Variants in ZNF749 observed in about 807,000 individuals in gnomAD.
The protein encoded by ZNF749 is zinc finger protein 749.
ZNF749 carries 8 observed loss-of-function variants against 7.3 expected under a neutral mutation model. The ratio of observed to expected loss-of-function variants is 1.10; its 90% CI spans 0.64 to 1.98. The LOEUF (loss-of-function observed/expected upper bound fraction) is 1.98, where lower values mean the gene tolerates loss of function less well. Among genes scored for constraint, ZNF749 ranks in the 30% most tolerant of loss-of-function variants. The pLI is 0.00. For missense variants in ZNF749, 898 were observed against 932.4 expected (o/e 0.96, Z 0.48); for synonymous variants, 310 against 322.4 (o/e 0.96, Z 0.41).
In ZNF749 at chr19:57,441,930, G is replaced by C. The variant is rs777235798; in HGVS notation, c.61G>C (p.Glu21Gln). ...EDVAIYFSQE[E>Q]WGILNDAQRH... is the part of the protein sequence containing the mutation. ...TGTGGCCATATATTTCTCCCAAGAG[G>C]AATGGGGGATCCTTAATGATGCTCA... The change falls in exon 2 of 3, where the codon GAA (glutamate) becomes CAA (glutamine). Residue 21 changes from glutamate (E) to glutamine (Q), a missense_variant. Physicochemically the swap from Glu to Gln is conservative, Grantham distance 29. Transcript: ENST00000334181. 90 of 1,614,042 alleles carry C rather than the reference G, an allele frequency of 5.6e-5. No homozygotes were observed. Among genetic ancestry groups the C allele is most frequent in the Non-Finnish European group, 7.4e-5 (87 of 1,180,024 alleles).
At chr19:57,437,647 C>G (rs1337697763) in intron 1 of ZNF749, among the ~76,000 whole-genome samples, 1 of 151,268 alleles carries the variant, frequency 6.6e-6, no homozygotes, top group Non-Finnish European at 1.5e-5. Flanking sequence ...TCGTTTGAAC[C>G]CGGGAGGTGG....
chr19:57,437,880 G>A (rs530934077), intron 1 of ZNF749: 2 of 392,998 alleles, frequency 5.1e-6, no homozygotes, highest in Non-Finnish European at 9.0e-6. Flanking sequence ...TGTGAAGTGG[G>A]AACCCTTTTA....
chr19:57,435,942 G>T (rs1385447073), intron 1 of ZNF749, among the ~76,000 whole-genome samples: 1 of 152,220 alleles, frequency 6.6e-6, no homozygotes, highest in Non-Finnish European at 1.5e-5. Context: ...CCCAGAGTTA[G>T]AAGTTTAAAG....
rs568928257 is a variant in ZNF749 at position 57,435,889 on chromosome 19, A to C, written c.15+296A>C. 2.6e-5 allele frequency among the ~76,000 whole-genome samples: 4 copies of C among 152,292 alleles called. No homozygotes were observed. In the South Asian group the frequency reaches 8.3e-4, roughly 32 times the overall value. On this transcript the variant is annotated intron_variant, in intron 1 of 2. Transcript: ENST00000334181. ...CTGGAAGGGCAGTGGAGCCGCAGAG[A>C]GCCATAGAGGGCTGTGCAGGGAGGA...
chr19:57,435,367 A>C lies in ZNF749; in HGVS notation c.-212A>C, dbSNP rs1326759188. 7.4e-6 allele frequency: 5 copies of C among 678,810 alleles called. No individual in the cohort carries two copies. In the South Asian group the frequency reaches 9.2e-5, roughly 12 times the overall value. 42.0% of individuals were successfully genotyped at this position (678,810 alleles called of 1,614,324 possible). ...CATGGTTGCGTTAGCATGGCTACCT[A>C]GGGATCTGTTCACTGATTTAGAGGG... On this transcript the variant is annotated 5_prime_UTR_variant, in exon 1 of 3. The change abolishes the stop of an existing upstream ORF in the 5' untranslated region. Transcript: ENST00000334181.
rs771272981 is a variant in ZNF749, at chr19:57,444,305, T to G, written c.1157T>G (p.Ile386Arg). 7 of 1,613,892 alleles carry G rather than the reference T, an allele frequency of 4.3e-6. No individual in the cohort carries two copies. The African/African-American group carries it at 8.0e-5, about 18-fold the overall frequency. ...GGAGAAAGGCCTTTTGAATGCAGCA[T>G]ATGTGGAAAATTCTTTAGTCACCGC... ...HTGERPFECS[I>R]CGKFFSHRST... is the part of the protein sequence containing the mutation. Residue 386 changes from isoleucine to arginine, a missense_variant, in exon 3 of 3, where the codon ATA (isoleucine) becomes AGA (arginine). By Grantham distance (97) the Ile-to-Arg change is moderately conservative. Coordinates refer to ENST00000334181, the MANE Select transcript of ZNF749 (RefSeq NM_001023561.4).
Position 57,445,612 on chromosome 19 carries a change from G to T in ZNF749, c.*127G>T. 1.4e-6 allele frequency: 2 copies of T among 1,444,360 alleles called. No homozygotes were observed. The highest frequency in any genetic ancestry group is 1.4e-5 in the African/African-American group (1 of 70,052). 89.5% of individuals were successfully genotyped at this position (1,444,360 alleles called of 1,614,324 possible). A position where few individuals can be genotyped will look rare whatever the true frequency, so the allele number is the denominator to read the frequency against. On this transcript the variant is annotated 3_prime_UTR_variant, in exon 3 of 3. Coordinates refer to ENST00000334181, the MANE Select transcript of ZNF749 (RefSeq NM_001023561.4). ...AAGAGTTCAGATGGAAATCTGCGAG[G>T]ATTTCCTGCTGGGAACTACATTAAA...
At position 57,439,601 on chromosome 19, in the gene ZNF749, A is replaced by C. The variant is rs1378097497; in HGVS notation, c.16-2284A>C. On this transcript the variant is annotated intron_variant, in intron 1 of 2. Coordinates refer to ENST00000334181, the MANE Select transcript of ZNF749 (RefSeq NM_001023561.4). The surrounding 1 kb of genome is among the most constrained non-coding windows in gnomAD (Gnocchi z 4.3). The stretch of plus-strand genomic sequence containing the variant: ...TAGGGAGACTCTGTCCCTACAAATA[A>C]TAATAAATAGCTGGGTGTGGTGGCG... Among the ~76,000 whole-genome samples the C allele has an allele frequency of 1.3e-5, 2 of 151,802 alleles. No individual in the cohort carries two copies. Among genetic ancestry groups the C allele is most frequent in the African/African-American group, 2.4e-5 (1 of 41,312 alleles).
At chr19:57,435,787 G>A in intron 1 of ZNF749, 194 bp downstream of exon 1, 1 of 1,171,290 alleles carries the variant, frequency 8.5e-7, no homozygotes, top group Non-Finnish European at 1.2e-6. Flanking sequence ...GGGGCTTGGA[G>A]GCACTGCAGA....
In ZNF749 at chr19:57,444,955, C is replaced by T. The variant is rs1240270875; in HGVS notation, c.1807C>T (p.Gln603Ter). 1.2e-6 allele frequency: 2 copies of T among 1,613,894 alleles called. No homozygotes were observed. The highest frequency in any genetic ancestry group is 1.1e-5 in the South Asian group (1 of 90,988). The change falls in exon 3 of 3, where the codon CAG (glutamine) becomes TAG (stop). Residue 603 changes from glutamine to a stop codon, truncating the protein, a stop_gained. Coordinates refer to ENST00000334181, the MANE Select transcript of ZNF749 (RefSeq NM_001023561.4). LOFTEE classifies it low-confidence loss of function (END_TRUNC). ...GGACAGCTACAAACTTGTTATTCAT[C>T]AGAGAATTCACACTGGAGAAAAGCC... ...FLDSYKLVIHQRIHTGEKPYK... is the reference protein window; with the variant it reads ...FLDSYKLVIH
upstream of ZNF749, among the ~76,000 whole-genome samples, chr19:57,431,994 T>C (rs2088900989): frequency 6.6e-6 from 1 of 151,986 alleles, no homozygotes; most frequent in Non-Finnish European, 1.5e-5. Context: ...TTGTATTTTT[T>C]AGTAAAGATG....
At chr19:57,435,639 T>G in intron 1 of ZNF749, 46 bp downstream of exon 1, 1 of 1,592,286 alleles carries the variant, frequency 6.3e-7, no homozygotes, top group Non-Finnish European at 8.5e-7. Context: ...CTCCTCCCAG[T>G]GCTGAAGTCC....
chr19:57,443,310 G>A lies in ZNF749; in HGVS notation c.162G>A (p.Lys54=), dbSNP rs775254395. The A allele has an allele frequency of 1.9e-6, 3 of 1,605,966 alleles. No homozygotes were observed. Among genetic ancestry groups the A allele is most frequent in the Non-Finnish European group, 2.6e-6 (3 of 1,174,700 alleles). ...TTACAGGTTGTTGGCATGGAGCCAAGGATGAGGAGGTACCTTCCAAGCAGT... is the reference window on the plus strand; with the variant it reads ...TTACAGGTTGTTGGCATGGAGCCAAAGATGAGGAGGTACCTTCCAAGCAGT... ...LSSVGCWHGA[K]DEEVPSKQCV... Residue 54 remains lysine, a synonymous_variant, in exon 3 of 3, where the codon AAG becomes AAA. Coordinates refer to ENST00000334181, the MANE Select transcript of ZNF749 (RefSeq NM_001023561.4).
Position 57,445,274 on chromosome 19 carries a change from C to A in ZNF749, c.2126C>A (p.Ser709Ter). Residue 709 changes from serine to a stop codon, truncating the protein, a stop_gained, in exon 3 of 3, where the codon TCG becomes TAG. Transcript: ENST00000334181. LOFTEE classifies it low-confidence loss of function (END_TRUNC). ...SKCRELFRTKSSLIIHQQSHT... is the reference protein window; with the variant it reads ...SKCRELFRTK ...TGTAGGGAATTGTTTAGGACTAAAT[C>A]GAGCCTTATTATACATCAGCAGTCT... The A allele has an allele frequency of 1.2e-6, 2 of 1,613,822 alleles. No homozygotes were observed. The highest frequency in any genetic ancestry group is 1.7e-6 in the Non-Finnish European group (2 of 1,179,868).
In ZNF749 at chr19:57,446,781, C is replaced by G. The variant is rs1380359850; in HGVS notation, c.*1296C>G. 1.3e-5 allele frequency among the ~76,000 whole-genome samples: 2 copies of G among 152,106 alleles called. No individual in the cohort carries two copies. The highest frequency in any genetic ancestry group is 2.9e-5 in the Non-Finnish European group (2 of 68,028). ...CTATATGATATGGTCCATTGCGCCT[C>G]AGATATAAACCTTAACAGCATGTTA... On this transcript the variant is annotated 3_prime_UTR_variant, in exon 3 of 3. Transcript: ENST00000334181.
At position 57,439,589 on chromosome 19, in the gene ZNF749, T is replaced by A. The variant is rs2088968156; in HGVS notation, c.16-2296T>A. 6.6e-6 allele frequency among the ~76,000 whole-genome samples: 1 copy of A among 151,442 alleles called. No homozygotes were observed. Among genetic ancestry groups the A allele is most frequent in the African/African-American group, 2.4e-5 (1 of 41,186 alleles). On this transcript the variant is annotated intron_variant, in intron 1 of 2. Transcript: ENST00000334181. This position sits in a 1 kb window ranked among gnomAD's most constrained non-coding sequence, Gnocchi z 4.3. The stretch of plus-strand genomic sequence containing the variant: ...GCCTGGGCAACATAGGGAGACTCTG[T>A]CCCTACAAATAATAATAAATAGCTG...
rs768145550 is a variant in ZNF749, at chr19:57,443,621, G to A, written c.473G>A (p.Gly158Asp). The A allele has an allele frequency of 6.2e-7, 1 of 1,614,236 alleles. No individual in the cohort carries two copies. The highest frequency in any genetic ancestry group is 1.3e-5 in the African/African-American group (1 of 75,068). ...AGGAACTTCACATGCACGCAGGGTGGCAAGGATTTTACTGCCAGCTCAGAC... is the reference window on the plus strand; with the variant it reads ...AGGAACTTCACATGCACGCAGGGTGACAAGGATTTTACTGCCAGCTCAGAC... ...GERNFTCTQG[G>D]KDFTASSDLL... The change falls in exon 3 of 3, where the codon GGC becomes GAC. Residue 158 changes from glycine (G) to aspartate (D), a missense_variant. Coordinates refer to ENST00000334181, the MANE Select transcript of ZNF749 (RefSeq NM_001023561.4).
intron 2 of ZNF749, 75 bp from the exon 3 acceptor site, chr19:57,443,216 C>A: frequency 7.5e-7 from 1 of 1,330,842 alleles, no homozygotes; most frequent in Non-Finnish European, 1.0e-6. Flanking sequence ...GGGTGTGTCT[C>A]ACAGACATTT....
chr19:57,430,003 T>C, the ZNF749 span, among the ~76,000 whole-genome samples: 1 of 152,194 alleles, frequency 6.6e-6, no homozygotes, highest in Non-Finnish European at 1.5e-5. Flanking sequence ...CCTATAGTTT[T>C]ATTGTGGTTT....
Sources: allele counts gnomAD v4.1 joint callset (sites outside exome capture counted in the v4.1 genomes callset), GRCh38; gene constraint gnomAD v4.1.1; non-coding constraint Gnocchi (gnomAD v3.1); transcripts MANE v1.5; gene names NCBI Gene and HGNC (gene_info 2026-07-23, HGNC 2026-07-21).